The following AATK variants were observed in gnomAD, a reference collection of about 807,000 sequenced individuals.
AATK encodes serine/threonine-protein kinase LMTK1.
In AATK, 91 loss-of-function variants were observed where a neutral mutation model predicts 114.3. The ratio of observed to expected loss-of-function variants is 0.80; its 90% confidence interval spans 0.67 to 0.95. The LOEUF is 0.95. AATK is among the 40% of genes least tolerant of loss of function. The probability of loss-of-function intolerance (pLI) is 0.00; values close to 1 mark genes in which losing one functional copy is unlikely to be tolerated. For synonymous variants in AATK, 1,075 were observed against 916.5 expected, an observed-to-expected ratio of 1.17 and a Z score of -3.12; for missense variants, 2,176 against 1,965.2, an observed-to-expected ratio of 1.11 and a Z score of -2.03.
At chr17:81,147,300 G>T (rs1248290165) in intron 1 of AATK, among the ~76,000 whole-genome samples, 1 of 149,994 alleles carries the variant, frequency 6.7e-6, no homozygotes, top group Non-Finnish European at 1.5e-5. Flanking sequence ...GGCAGAGGTT[G>T]CAGTGAGCTG....
intron 3 of AATK, among the ~76,000 whole-genome samples, chr17:81,129,433 C>T (rs2060897094): frequency 6.6e-6 from 1 of 152,174 alleles, no homozygotes; most frequent in Non-Finnish European, 1.5e-5. Context: ...GTTCAGAGGC[C>T]CTGGGCACTG....
intron 7 of AATK, chr17:81,125,408 T>TG (rs1327950973): frequency 4.0e-6 from 2 of 505,416 alleles, no homozygotes; most frequent in South Asian, 3.1e-5. Flanking sequence ...TGGGAATTGA[T>TG]GGGGAAACTG....
At chr17:81,125,355 C>T (rs761130359) in intron 7 of AATK, 1 of 655,480 alleles carries the variant, frequency 1.5e-6, no homozygotes, top group African/African-American at 1.8e-5. Flanking sequence ...AGGACCCTCT[C>T]CTCCTAGCTC....
At chr17:81,159,906 C>T (rs1041008730) in intron 1 of AATK, among the ~76,000 whole-genome samples, 1 of 152,102 alleles carries the variant, frequency 6.6e-6, no homozygotes, top group Non-Finnish European at 1.5e-5. Flanking sequence ...TCCTGGGGAC[C>T]CTGGCAGGTG....
intron 2 of AATK, chr17:81,132,651 A>C (rs2060950827): frequency 3.3e-6 from 1 of 302,048 alleles, no homozygotes; most frequent in Non-Finnish European, 6.9e-6. Flanking sequence ...GGCTCCAGGC[A>C]TTACCTGCTG....
In AATK at chr17:81,125,028, C is replaced by A. The variant is rs778935903; in HGVS notation, c.756-14G>T. The stretch of plus-strand genomic sequence containing the variant: ...AGGGCCAGGTCGCTGCAGGCAGGGG[C>A]AGGGGCAGGGGCAGGGTGAGCAGGG... On this transcript the variant is annotated splice_polypyrimidine_tract_variant and intron_variant, in intron 7 of 13. Transcript: ENST00000326724. 6.9e-7 allele frequency: 1 copy of A among 1,446,952 alleles called. No individual in the cohort carries two copies. The highest frequency in any genetic ancestry group is 2.4e-5 in the Admixed American group (1 of 42,194). 89.6% of individuals were successfully genotyped at this position (1,446,952 alleles called of 1,614,324 possible).
At chr17:81,133,474 C>T (rs1598934268) in intron 2 of AATK, 3 of 277,818 alleles carry the variant, frequency 1.1e-5, no homozygotes, top group African/African-American at 2.3e-5. Flanking sequence ...TGCAGAATGC[C>T]TCCTCCCACC....
intron 3 of AATK, among the ~76,000 whole-genome samples, chr17:81,129,330 A>G (rs1440364014): frequency 6.6e-6 from 1 of 152,086 alleles, no homozygotes; most frequent in Non-Finnish European, 1.5e-5. Context: ...TCCTGAGCCC[A>G]GCCTGTCTGG....
At chr17:81,134,734 G>A (rs1443785002) in intron 1 of AATK, among the ~76,000 whole-genome samples, 3 of 152,240 alleles carry the variant, frequency 2.0e-5, no homozygotes, top group South Asian at 4.1e-4. Context: ...GGGACATAGG[G>A]TTGGCAGAGT....
Position 81,126,558 on chromosome 17 carries a change from C to G in AATK, c.624G>C (p.Gly208=), listed in dbSNP as rs747069731. ...AGCTCCGCAGGTAGCCCTTGAGGTC[C>G]CCCTGCAGAAAGGGGGTGTGGCGCA... ...YLLVMEFCPL[G]DLKGYLRSCR... Residue 208 remains glycine, a splice_region_variant and synonymous_variant, in exon 7 of 14, where the codon GGG becomes GGC. Transcript: ENST00000326724. The surrounding 1 kb of genome is among the most constrained non-coding windows in gnomAD (Gnocchi z 5.1). 23 of 1,539,664 alleles carry G rather than the reference C, an allele frequency of 1.5e-5. No individual in the cohort carries two copies. The highest frequency in any genetic ancestry group is 1.9e-5 in the Non-Finnish European group (22 of 1,138,604).
Position 81,121,037 on chromosome 17 carries a change from C to T in AATK, c.2899G>A (p.Ala967Thr), listed in dbSNP as rs1336692260. ...GCEPQAFAEL[A>T]SEGEGPGPET... ...GGCCCGGGGCCCTCACCCTCTGAGG[C>T]CAGCTCCGCAAAGGCCTGGGGCTCA... The change falls in exon 11 of 14, where the codon GCC becomes ACC. Residue 967 changes from alanine to threonine, a missense_variant. Ala to Thr is a moderately conservative substitution (Grantham distance 58). Transcript: ENST00000326724. 1.9e-6 allele frequency: 3 copies of T among 1,609,536 alleles called. No homozygotes were observed. Among genetic ancestry groups the T allele is most frequent in the Non-Finnish European group, 2.5e-6 (3 of 1,178,740 alleles).
chr17:81,129,309 C>T (rs974377963), intron 3 of AATK, among the ~76,000 whole-genome samples: 1 of 152,142 alleles, frequency 6.6e-6, no homozygotes, highest in African/African-American at 2.4e-5. Context: ...GTGGGCCCAC[C>T]GGGTGCTGTG....
chr17:81,131,994 G>C (rs373832001), intron 2 of AATK: 1 of 1,313,140 alleles, frequency 7.6e-7, no homozygotes, highest in Non-Finnish European at 1.0e-6. Context: ...GCCTGGCCCC[G>C]TGCAGCCTAG....
chr17:81,118,213 A>G lies in AATK; in HGVS notation c.*189T>C. On this transcript the variant is annotated 3_prime_UTR_variant, in exon 14 of 14. Transcript: ENST00000326724. Reference sequence around the variant, plus strand: ...ACGAATTCTGCCTCTGGGGCGGAGCATGGCCGATCTACCATCCAGGGCCTC... The same window carrying G: ...ACGAATTCTGCCTCTGGGGCGGAGCGTGGCCGATCTACCATCCAGGGCCTC... The G allele has an allele frequency of 1.6e-6, 1 of 608,472 alleles. No homozygotes were observed. Among genetic ancestry groups the G allele is most frequent in the Non-Finnish European group, 2.9e-6 (1 of 346,498 alleles). The allele number at this position is 608,472 out of a possible 1,614,324, so 37.7% of individuals were successfully genotyped here. A position where few individuals can be genotyped will look rare whatever the true frequency, so the allele number is the denominator to read the frequency against.
At chr17:81,145,234 C>CAAAAAAAAA (rs761538299) in intron 1 of AATK, among the ~76,000 whole-genome samples, 24 of 121,076 alleles carry the variant, frequency 2.0e-4, no homozygotes, top group Non-Finnish European at 2.5e-4. Context: ...GAGACTCCAT[C>CAAAAAAAAA]AAAAAAAAAA....
intron 1 of AATK, among the ~76,000 whole-genome samples, chr17:81,140,556 T>G (rs1181602743): frequency 6.6e-6 from 1 of 152,092 alleles, no homozygotes; most frequent in African/African-American, 2.4e-5. Flanking sequence ...TAGCCCGGAT[T>G]GCCAGGCAAG....
intron 1 of AATK, among the ~76,000 whole-genome samples, chr17:81,138,303 A>C (rs1377082297): frequency 6.7e-6 from 1 of 148,162 alleles, no homozygotes; most frequent in South Asian, 2.2e-4. Flanking sequence ...ATGTGCACAC[A>C]TATCCACACA....
intron 2 of AATK, 60 bp downstream of exon 2, chr17:81,134,308 G>T: frequency 6.3e-7 from 1 of 1,591,636 alleles, no homozygotes; most frequent in Non-Finnish European, 8.6e-7. Context: ...AGGGTCAAGT[G>T]GACGCTACAG....
intron 1 of AATK, among the ~76,000 whole-genome samples, chr17:81,158,145 T>C (rs1471096769): frequency 6.6e-6 from 1 of 152,104 alleles, no homozygotes; most frequent in East Asian, 1.9e-4. Flanking sequence ...GGGCCGCCCG[T>C]CACAGAAGGA....
Sources: allele counts gnomAD v4.1 joint callset (sites outside exome capture counted in the v4.1 genomes callset), GRCh38; gene constraint gnomAD v4.1.1; non-coding constraint Gnocchi (gnomAD v3.1); transcripts MANE v1.5; gene names NCBI Gene and HGNC (gene_info 2026-07-23, HGNC 2026-07-21).